Variants in CLYBL observed in about 807,000 individuals in gnomAD.
CLYBL encodes citramalyl-CoA lyase, also known as citramalyl-CoA lyase, mitochondrial.
Under a neutral mutation model 38.9 loss-of-function variants are expected in CLYBL, and 31 were observed. The observed-to-expected ratio is 0.80, with a 90% CI of 0.60 to 1.08. The LOEUF (loss-of-function observed/expected upper bound fraction) is 1.08, where lower values mean the gene tolerates loss of function less well. Ranked by LOEUF, CLYBL falls within the 50% of genes least tolerant of loss-of-function variation. The pLI is 0.00. For missense variants in CLYBL, 434 were observed against 411.6 expected, an observed-to-expected ratio of 1.05 and a Z score of -0.47; for synonymous variants, 171 against 158.6, an observed-to-expected ratio of 1.08 and a Z score of -0.59.
intron 1 of CLYBL, among the ~76,000 whole-genome samples, chr13:99,610,810 A>G (rs1363627314): frequency 6.6e-6 from 1 of 152,030 alleles, no homozygotes; most frequent in Non-Finnish European, 1.5e-5. Context: ...CTTGTTCTCC[A>G]TTTTTGCCTT....
intron 1 of CLYBL, among the ~76,000 whole-genome samples, chr13:99,711,564 G>A (rs577598802): frequency 6.6e-6 from 1 of 151,190 alleles, no homozygotes; most frequent in Non-Finnish European, 1.5e-5. Context: ...GCACCACCAC[G>A]CCCGGCTAAT....
intron 2 of CLYBL, among the ~76,000 whole-genome samples, chr13:99,830,746 G>T (rs2050787938): frequency 6.6e-6 from 1 of 152,168 alleles, no homozygotes; most frequent in Non-Finnish European, 1.5e-5. Flanking sequence ...TTAACATACT[G>T]CTTTCTAATA....
chr13:99,904,063 C>CA (rs1303892799), intron 8 of CLYBL, among the ~76,000 whole-genome samples: 1 of 150,538 alleles, frequency 6.6e-6, no homozygotes, highest in African/African-American at 2.5e-5. Flanking sequence ...AAAACAAAAA[C>CA]AAAAAAACCC....
intron 2 of CLYBL, among the ~76,000 whole-genome samples, chr13:99,794,748 C>T (rs1337229638): frequency 1.3e-5 from 2 of 151,906 alleles, no homozygotes; most frequent in African/African-American, 4.8e-5. Flanking sequence ...TGTGCCACCA[C>T]ACCTGGCTAA....
At position 99,871,218 on chromosome 13, in the gene CLYBL, T is replaced by C. The variant is rs73559352; in HGVS notation, c.927+156T>C. On this transcript the variant is annotated intron_variant, in intron 7 of 8. Coordinates refer to ENST00000339105, the MANE Select transcript of CLYBL (RefSeq NM_206808.5). ...CAACATTCACCAGTGAGAAAATTGC[T>C]TGAGATAGATTTGCCCTGCCCATGT... 9.3e-3 allele frequency among the ~76,000 whole-genome samples: 1,424 copies of C among 152,310 alleles called. 29 individuals are homozygous for C. The highest frequency in any genetic ancestry group is 0.032 in the African/African-American group (1,331 of 41,566).
At chr13:99,636,865 A>C (rs1368702060) in intron 1 of CLYBL, among the ~76,000 whole-genome samples, 1 of 151,930 alleles carries the variant, frequency 6.6e-6, no homozygotes, top group Non-Finnish European at 1.5e-5. Context: ...ACAGGTCCTG[A>C]GTGTGGTTGC....
intron 6 of CLYBL, 117 bp from the exon 7 acceptor site, chr13:99,870,821 A>T: frequency 9.6e-7 from 1 of 1,039,894 alleles, no homozygotes; most frequent in Non-Finnish European, 1.4e-6. Context: ...AAAAAGTTTT[A>T]AATTAGTTAT....
chr13:99,706,135 T>C (rs2048143914), intron 1 of CLYBL, among the ~76,000 whole-genome samples: 1 of 152,110 alleles, frequency 6.6e-6, no homozygotes, highest in African/African-American at 2.4e-5. Context: ...TTTCACCATC[T>C]TGGCCAGGCT....
At chr13:99,858,671 C>G (rs2051519304) in intron 2 of CLYBL, among the ~76,000 whole-genome samples, 190 bp from the exon 3 acceptor site, 1 of 152,166 alleles carries the variant, frequency 6.6e-6, no homozygotes, top group Non-Finnish European at 1.5e-5. Flanking sequence ...GCGAATGAAA[C>G]CTAAAAATCA....
chr13:99,890,866 C>T (rs1278179532), intron 7 of CLYBL, among the ~76,000 whole-genome samples: 2 of 152,168 alleles, frequency 1.3e-5, no homozygotes, highest in African/African-American at 4.8e-5. Context: ...ATAACCTTAT[C>T]ATGTTACCTC....
At chr13:99,732,391 A>C (rs2048607557) in intron 1 of CLYBL, among the ~76,000 whole-genome samples, 1 of 152,062 alleles carries the variant, frequency 6.6e-6, no homozygotes, top group African/African-American at 2.4e-5. Flanking sequence ...ATGGGGTCTC[A>C]GCATGATGCC....
chr13:99,768,195 T>TTC (rs1555303267), intron 1 of CLYBL, among the ~76,000 whole-genome samples: 3 of 138,000 alleles, frequency 2.2e-5, no homozygotes, highest in East Asian at 2.3e-4. Flanking sequence ...TCTTTTTCTT[T>TTC]TTTTTTTTTT....
At chr13:99,653,694 T>C (rs542578465) in intron 1 of CLYBL, among the ~76,000 whole-genome samples, 6 of 152,158 alleles carry the variant, frequency 3.9e-5, no homozygotes, top group Non-Finnish European at 7.4e-5. Context: ...CCTGGCCAGT[T>C]ATTAACCTTC....
At chr13:99,620,592 A>G (rs1416383127) in intron 1 of CLYBL, among the ~76,000 whole-genome samples, 2 of 152,200 alleles carry the variant, frequency 1.3e-5, no homozygotes, top group African/African-American at 4.8e-5. Flanking sequence ...CTGGCACAAC[A>G]TGATAAAACC....
intron 2 of CLYBL, among the ~76,000 whole-genome samples, chr13:99,797,687 C>T (rs1488657451): frequency 6.6e-6 from 1 of 151,868 alleles, no homozygotes; most frequent in Non-Finnish European, 1.5e-5. Flanking sequence ...TCTGCCAATA[C>T]GTTCCACGTG....
At chr13:99,701,198 A>T (rs1844055172) in intron 1 of CLYBL, among the ~76,000 whole-genome samples, 2 of 152,234 alleles carry the variant, frequency 1.3e-5, no homozygotes, top group African/African-American at 2.4e-5. Context: ...ACAAAAATAA[A>T]GATAGCTGCC....
intron 2 of CLYBL, among the ~76,000 whole-genome samples, chr13:99,833,773 T>G (rs1444479179): frequency 7.7e-6 from 1 of 129,300 alleles, no homozygotes; most frequent in Non-Finnish European, 1.6e-5. Context: ...CACTGCAACC[T>G]CCAACTCCCT....
chr13:99,841,294 T>C (rs572968507), intron 2 of CLYBL, among the ~76,000 whole-genome samples: 1 of 152,314 alleles, frequency 6.6e-6, no homozygotes, highest in East Asian at 1.9e-4. Flanking sequence ...CTAGATGCCA[T>C]AGGAGAGAAA....
At chr13:99,892,918 C>G (rs986214912), downstream of CLYBL, 1 of 152,408 alleles carries the variant, frequency 6.6e-6, no homozygotes, top group Non-Finnish European at 1.5e-5. Context: ...GCCGCAGAGT[C>G]CCACCGCCAC....
Sources: allele counts gnomAD v4.1 joint callset (sites outside exome capture counted in the v4.1 genomes callset), GRCh38; gene constraint gnomAD v4.1.1; transcripts MANE v1.5; gene names NCBI Gene and HGNC (gene_info 2026-07-23, HGNC 2026-07-21).